The following ARPC5L variants were observed in gnomAD, a reference collection of about 807,000 sequenced individuals.
The protein encoded by ARPC5L is actin-related protein 2/3 complex subunit 5-like protein.
ARPC5L carries 4 observed loss-of-function variants against 16.9 expected under a neutral mutation model. The ratio of observed to expected loss-of-function variants is 0.24; its 90% CI spans 0.12 to 0.54. The LOEUF (loss-of-function observed/expected upper bound fraction) is 0.54. Among genes scored for constraint, ARPC5L ranks in the 20% least tolerant of loss-of-function variants. ARPC5L has a pLI of 0.95. For missense variants in ARPC5L, 151 were observed against 201.9 expected, an observed-to-expected ratio of 0.75 and a Z score of 1.53; for synonymous variants, 78 against 82.6, an observed-to-expected ratio of 0.94 and a Z score of 0.30.
chr9:124,872,272 C>T (rs988413082), intron 3 of ARPC5L, among the ~76,000 whole-genome samples: 4 of 152,092 alleles, frequency 2.6e-5, no homozygotes, highest in Non-Finnish European at 4.4e-5. Flanking sequence ...TGGGATCCTG[C>T]TTATTGCTTT....
chr9:124,868,814 C>T lies in ARPC5L; in HGVS notation c.-477C>T, dbSNP rs187036372. The T allele has an allele frequency of 1.3e-3, 203 of 154,356 alleles. 4 individuals are homozygous for T. In the East Asian group the frequency reaches 0.033, roughly 25 times the overall value. 9.6% of individuals were successfully genotyped at this position (154,356 alleles called of 1,614,324 possible). On this transcript the variant is annotated 5_prime_UTR_variant, in exon 3 of 6. Coordinates refer to ENST00000353214, the MANE Select transcript of ARPC5L (RefSeq NM_030978.3). ...TTCTCCAAGAAGCCTGCCCGGCACT[C>T]GAGAAGTAGAGCCGCGAGCCTTCTC... is the stretch of plus-strand genomic sequence containing the variant.
rs542879900 is a variant in ARPC5L, at chr9:124,871,235, T to C, written c.149+1796T>C. On this transcript the variant is annotated intron_variant, in intron 3 of 5. Transcript: ENST00000353214. The stretch of plus-strand genomic sequence containing the variant: ...TGTGTGTGGCAGGAGATGACACAGA[T>C]GGAGTAGAAGGAACCCGGCTGTGCA... Among the ~76,000 whole-genome samples the C allele has an allele frequency of 2.6e-5, 4 of 152,222 alleles. No individual in the cohort carries two copies. The South Asian group carries it at 8.3e-4, about 32-fold the overall frequency.
chr9:124,875,189 G>A, intron 5 of ARPC5L, 38 bp downstream of exon 5: 2 of 1,597,624 alleles, frequency 1.3e-6, no homozygotes, highest in South Asian at 2.3e-5. Context: ...TGAGCCACCT[G>A]GCTTGCCTTG....
chr9:124,865,158 C>G (rs12380470), intron 2 of ARPC5L, among the ~76,000 whole-genome samples: 1 of 151,854 alleles, frequency 6.6e-6, no homozygotes, highest in South Asian at 2.1e-4. Context: ...AAATGAAAGT[C>G]TAGGCCGGGC....
At chr9:124,862,479 A>G (rs528900017) in intron 1 of ARPC5L, 81 bp downstream of exon 1, 1 of 146,518 alleles carries the variant, frequency 6.8e-6, no homozygotes, top group East Asian at 2.1e-4. Flanking sequence ...GGGAGGCAGT[A>G]TATGGAACTG....
intron 5 of ARPC5L, among the ~76,000 whole-genome samples, chr9:124,875,370 A>AAG (rs1289814395): frequency 3.3e-5 from 5 of 152,128 alleles, no homozygotes; most frequent in Non-Finnish European, 7.4e-5. Context: ...TTTGCTTTTT[A>AAG]GCTGCCGATT....
chr9:124,873,904 C>T (rs967168959), intron 4 of ARPC5L, 140 bp downstream of exon 4: 31 of 943,318 alleles, frequency 3.3e-5, no homozygotes, highest in South Asian at 2.1e-4. Context: ...AGCCTCCTGG[C>T]GCTCCCTAGG....
intron 3 of ARPC5L, 135 bp from the exon 4 acceptor site, chr9:124,873,557 C>T (rs375293706): frequency 2.1e-6 from 2 of 975,232 alleles, no homozygotes; most frequent in Non-Finnish European, 3.2e-6. Flanking sequence ...TCTCTGCCCC[C>T]CTGGAAGCCG....
chr9:124,867,879 A>G (rs1446271755), intron 2 of ARPC5L, among the ~76,000 whole-genome samples: 1 of 144,534 alleles, frequency 6.9e-6, no homozygotes, highest in Non-Finnish European at 1.5e-5. Flanking sequence ...GCGCGATCTC[A>G]GCTCAGTGCA....
intron 2 of ARPC5L, among the ~76,000 whole-genome samples, chr9:124,866,181 A>G (rs1476740650): frequency 1.3e-5 from 2 of 152,064 alleles, no homozygotes; most frequent in Non-Finnish European, 2.9e-5. Flanking sequence ...ACGCAGGTGG[A>G]TCACCTGAGG....
intron 3 of ARPC5L, among the ~76,000 whole-genome samples, chr9:124,872,314 G>A (rs558569352): frequency 6.6e-6 from 1 of 152,302 alleles, no homozygotes; most frequent in African/African-American, 2.4e-5. Context: ...AGTTACAAGG[G>A]CTGGGCGCGG....
At chr9:124,867,509 C>T (rs1378417067) in intron 2 of ARPC5L, among the ~76,000 whole-genome samples, 3 of 152,172 alleles carry the variant, frequency 2.0e-5, no homozygotes, top group Non-Finnish European at 4.4e-5. Context: ...CCTCTCAACA[C>T]TGTCAGCCCT....
chr9:124,874,915 G>GGGCAT, intron 4 of ARPC5L, 60 bp from the exon 5 acceptor site: 1 of 1,599,254 alleles, frequency 6.3e-7, no homozygotes, highest in Non-Finnish European at 8.6e-7. Context: ...CTTTGGTGTG[G>GGGCAT]GGCATGGCAT....
intron 4 of ARPC5L, among the ~76,000 whole-genome samples, chr9:124,874,133 C>T (rs1342693833): frequency 1.3e-5 from 2 of 152,190 alleles, no homozygotes; most frequent in Non-Finnish European, 2.9e-5. Context: ...GTACGCTTTC[C>T]TACCTTCTAA....
In ARPC5L at chr9:124,876,994, G is replaced by C; in HGVS notation, c.*54G>C. The C allele has an allele frequency of 6.9e-7, 1 of 1,455,016 alleles. No individual in the cohort carries two copies. The highest frequency in any genetic ancestry group is 1.2e-5 in the South Asian group (1 of 83,724). 90.1% of individuals were successfully genotyped at this position (1,455,016 alleles called of 1,614,324 possible). A position where few individuals can be genotyped will look rare whatever the true frequency, so the allele number is the denominator to read the frequency against. On this transcript the variant is annotated 3_prime_UTR_variant, in exon 6 of 6. Transcript: ENST00000353214. ...AGAAGAATTCTGGATGCCCAGGCTG[G>C]TGAAGAAGGGATTGACAATGGACCA...
chr9:124,876,887 G>T lies in ARPC5L; in HGVS notation c.409G>T (p.Val137Leu). 1.2e-6 allele frequency: 2 copies of T among 1,613,318 alleles called. No homozygotes were observed. The highest frequency in any genetic ancestry group is 1.7e-6 in the Non-Finnish European group (2 of 1,179,732). The change falls in exon 6 of 6, where the codon GTA becomes TTA. Residue 137 changes from valine to leucine, a missense_variant. Coordinates refer to ENST00000353214, the MANE Select transcript of ARPC5L (RefSeq NM_030978.3). ...LLQWHEKALA[V>L]GGLGSIIRVL... ...TTTCCTGCCCCCACAGGCCTTAGCA[G>T]TAGGAGGACTAGGCTCCATTATAAG...
Position 124,868,999 on chromosome 9 carries a change from T to C in ARPC5L, c.-292T>C. On this transcript the variant is annotated 5_prime_UTR_variant, in exon 3 of 6. Coordinates refer to ENST00000353214, the MANE Select transcript of ARPC5L (RefSeq NM_030978.3). ...GCCTGCACAGATGCCGGGCGCCCGA[T>C]CCTCAGTGACAAAATAGAGACTCCG... is the stretch of plus-strand genomic sequence containing the variant. 1 of 312,424 alleles carries C rather than the reference T, an allele frequency of 3.2e-6. No individual in the cohort carries two copies. The highest frequency in any genetic ancestry group is 5.8e-6 in the Non-Finnish European group (1 of 171,150). The allele number at this position is 312,424 out of a possible 1,614,324, so 19.4% of individuals were successfully genotyped here. A position where few individuals can be genotyped will look rare whatever the true frequency, so the allele number is the denominator to read the frequency against.
At chr9:124,867,387 C>T (rs1829284635) in intron 2 of ARPC5L, among the ~76,000 whole-genome samples, 1 of 151,992 alleles carries the variant, frequency 6.6e-6, no homozygotes, top group South Asian at 2.1e-4. Flanking sequence ...GTGATCTGCC[C>T]CCTGGGCCTC....
Position 124,876,871 on chromosome 9 carries a change from C to T in ARPC5L, c.400-7C>T, listed in dbSNP as rs1481364742. ...ATCTGACACGTTTTCTTTTCCTGCCCCCACAGGCCTTAGCAGTAGGAGGAC... is the reference window on the plus strand; with the variant it reads ...ATCTGACACGTTTTCTTTTCCTGCCTCCACAGGCCTTAGCAGTAGGAGGAC... On this transcript the variant is annotated splice_polypyrimidine_tract_variant and splice_region_variant and intron_variant, in intron 5 of 5. Coordinates refer to ENST00000353214, the MANE Select transcript of ARPC5L (RefSeq NM_030978.3). 6.8e-6 allele frequency: 11 copies of T among 1,609,988 alleles called. No individual in the cohort carries two copies. Among genetic ancestry groups the T allele is most frequent in the Middle Eastern group, 1.7e-4 (1 of 6,046 alleles).
Sources: gnomAD v4.1 joint callset for allele counts (sites outside exome capture counted in the v4.1 genomes callset) on GRCh38, gnomAD v4.1.1 for gene constraint, MANE v1.5 for transcripts, NCBI Gene and HGNC (gene_info 2026-07-23, HGNC 2026-07-21) for gene names.